BABAM1: variants seen among roughly 807,000 people sequenced by gnomAD.
BABAM1 encodes the protein BRISC and BRCA1 A complex member 1, also known as BRISC and BRCA1-A complex member 1.
In BABAM1, 14 loss-of-function variants were observed where a neutral mutation model predicts 34.4. The ratio of observed to expected loss-of-function variants is 0.41; its 90% CI spans 0.27 to 0.64. The LOEUF (loss-of-function observed/expected upper bound fraction) is 0.64, where lower values mean the gene tolerates loss of function less well. BABAM1 is among the 30% of genes least tolerant of loss of function. The probability of loss-of-function intolerance (pLI) is 0.34; values close to 1 mark genes in which losing one functional copy is unlikely to be tolerated. For synonymous variants in BABAM1, 169 were observed against 165.8 expected (o/e 1.02, Z -0.15); for missense variants, 393 against 434.0 (o/e 0.91, Z 0.84).
intron 3 of BABAM1, 110 bp downstream of exon 3, chr19:17,271,765 G>T (rs762692707): frequency 5.5e-6 from 7 of 1,265,264 alleles, no homozygotes; most frequent in African/African-American, 1.5e-5. Flanking sequence ...CTGGCTTCAG[G>T]CTTGGCAGTA....
In BABAM1 at chr19:17,268,877, G is replaced by A; in HGVS notation, c.71G>A (p.Arg24Gln). The A allele has an allele frequency of 2.5e-6, 4 of 1,600,694 alleles. No homozygotes were observed. The highest frequency in any genetic ancestry group is 3.4e-6 in the Non-Finnish European group (4 of 1,174,310). Residue 24 changes from arginine (R) to glutamine (Q), a missense_variant, in exon 2 of 9, where the codon CGG becomes CAG. Transcript: ENST00000598188. ...GAAGAGGAGCACTCGGCAGAGCCTC[G>A]GCCCCGCACTCGCTCCAATCCTGAA... ...EEEEEHSAEP[R>Q]PRTRSNPEGA...
At chr19:17,274,273 G>A in intron 5 of BABAM1, 88 bp downstream of exon 5, 2 of 1,497,018 alleles carry the variant, frequency 1.3e-6, no homozygotes, top group South Asian at 2.3e-5. Flanking sequence ...TCATGACTCT[G>A]GCTGGCTGAG....
chr19:17,268,633 T>C (rs1285197669), intron 1 of BABAM1, 161 bp from the exon 2 acceptor site: 1 of 679,330 alleles, frequency 1.5e-6, no homozygotes, highest in South Asian at 2.1e-5. Flanking sequence ...TTCTCCATGT[T>C]GGTCAGGCTG....
At chr19:17,276,117 C>G (rs932663813) in intron 6 of BABAM1, among the ~76,000 whole-genome samples, 1 of 152,076 alleles carries the variant, frequency 6.6e-6, no homozygotes, top group African/African-American at 2.4e-5. Flanking sequence ...GAGGCCGAGG[C>G]GGGCAGATCA....
intron 5 of BABAM1, among the ~76,000 whole-genome samples, chr19:17,275,534 C>T (rs1259912132): frequency 6.6e-6 from 1 of 152,184 alleles, no homozygotes; most frequent in Non-Finnish European, 1.5e-5. Flanking sequence ...AGATGGTCCA[C>T]CCGCCTTGGC....
chr19:17,278,606 G>T (rs1380068212), intron 8 of BABAM1, among the ~76,000 whole-genome samples: 1 of 151,692 alleles, frequency 6.6e-6, no homozygotes, highest in Admixed American at 6.6e-5. Context: ...ACCGCGCCCG[G>T]CCCACACTGG....
rs2145614354 is a variant in BABAM1 at position 17,271,640 on chromosome 19, T to C, written c.329T>C (p.Leu110Pro). 1 of 1,613,800 alleles carries C rather than the reference T, an allele frequency of 6.2e-7. No homozygotes were observed. The highest frequency in any genetic ancestry group is 1.3e-5 in the African/African-American group (1 of 75,038). ...DLSEEMSLPK[L>P]ESFNGSKTNA... ...TCAGAGGAAATGTCACTGCCAAAGC[T>C]GGAGTCGTTCAACGGGTAAGAGGGA... The change falls in exon 3 of 9, where the codon CTG becomes CCG. Residue 110 changes from leucine to proline, a missense_variant. By Grantham distance (98) the Leu-to-Pro change is moderately conservative. Coordinates refer to ENST00000598188, the MANE Select transcript of BABAM1 (RefSeq NM_014173.4).
At position 17,271,588 on chromosome 19, in the gene BABAM1, A is replaced by T; in HGVS notation, c.286-9A>T. On this transcript the variant is annotated splice_polypyrimidine_tract_variant and intron_variant, in intron 2 of 8. Transcript: ENST00000598188. Reference sequence around the variant, plus strand: ...AGAGGACGCTCACCACCCTCCAACTACCTTGCAGATTATCTGCCTGGACCT... The same window carrying T: ...AGAGGACGCTCACCACCCTCCAACTTCCTTGCAGATTATCTGCCTGGACCT... 6.2e-7 allele frequency: 1 copy of T among 1,613,508 alleles called. No individual in the cohort carries two copies. The highest frequency in any genetic ancestry group is 8.5e-7 in the Non-Finnish European group (1 of 1,179,706).
At position 17,268,793 on chromosome 19, in the gene BABAM1, G is replaced by A; in HGVS notation, c.-13-1G>A. ...GCTTCCCCTGTCCGTGTTCCATCTAGCCACACAGGAGCCATGGAAGTGGCA... is the reference window on the plus strand; with the variant it reads ...GCTTCCCCTGTCCGTGTTCCATCTAACCACACAGGAGCCATGGAAGTGGCA... On this transcript the variant is annotated splice_acceptor_variant, in intron 1 of 8. Transcript: ENST00000598188. LOFTEE classifies it low-confidence loss of function (5UTR_SPLICE). 6.3e-7 allele frequency: 1 copy of A among 1,588,676 alleles called. No homozygotes were observed. Among genetic ancestry groups the A allele is most frequent in the Non-Finnish European group, 8.6e-7 (1 of 1,166,048 alleles).
At chr19:17,269,223 G>A (rs2073808618) in intron 2 of BABAM1, 132 bp downstream of exon 2, 4 of 1,173,606 alleles carry the variant, frequency 3.4e-6, no homozygotes, top group African/African-American at 3.1e-5. Context: ...GGACTTGGTA[G>A]CTTTCAACAA....
chr19:17,269,335 T>A (rs1019523135), intron 2 of BABAM1, among the ~76,000 whole-genome samples: 2 of 150,556 alleles, frequency 1.3e-5, no homozygotes, highest in African/African-American at 4.9e-5. Context: ...TCTTGCCTCT[T>A]CATTTTGTCT....
At chr19:17,273,559 G>GTTTT (rs1252906493) in intron 3 of BABAM1, among the ~76,000 whole-genome samples, 8 of 24,580 alleles carry the variant, frequency 3.3e-4, no homozygotes, top group Admixed American at 6.4e-4. Context: ...TTTTTTGTTT[G>GTTTT]TTTTGTTTTT....
chr19:17,271,436 C>T (rs1276502244), intron 2 of BABAM1, among the ~76,000 whole-genome samples, 161 bp from the exon 3 acceptor site: 2 of 152,184 alleles, frequency 1.3e-5, no homozygotes, highest in Non-Finnish European at 2.9e-5. Context: ...GTTCAGTGCC[C>T]ATTCTTCTAA....
chr19:17,278,284 A>G (rs1240352824), intron 8 of BABAM1, among the ~76,000 whole-genome samples: 1 of 151,820 alleles, frequency 6.6e-6, no homozygotes, highest in Non-Finnish European at 1.5e-5. Context: ...ATGTGTCTGT[A>G]TCTGACTGTG....
intron 8 of BABAM1, chr19:17,277,209 T>C (rs1240750221): frequency 2.0e-4 from 52 of 264,078 alleles, no homozygotes; most frequent in South Asian, 4.3e-4. Flanking sequence ...CTTCTTTTTT[T>C]TTTTTTTTTT....
In BABAM1 at chr19:17,267,495, T is replaced by G. The variant is rs555670010; in HGVS notation, c.-46T>G. ...GCTTCCTAGTGAGTCGGCGGCTGAT[T>G]TAGAAGGAGGTTCAGGCTACGGTGA... On this transcript the variant is annotated 5_prime_UTR_variant, in exon 1 of 9. The change creates a new upstream start codon in the 5' untranslated region. Coordinates refer to ENST00000598188, the MANE Select transcript of BABAM1 (RefSeq NM_014173.4). 1 of 152,290 alleles carries G rather than the reference T, an allele frequency of 6.6e-6. No individual in the cohort carries two copies. Among genetic ancestry groups the G allele is most frequent in the Non-Finnish European group, 1.5e-5 (1 of 68,046 alleles). The allele number at this position is 152,290 out of a possible 1,614,324, so 9.4% of individuals were successfully genotyped here.
Position 17,269,058 on chromosome 19 carries a change from T to G in BABAM1, c.252T>G (p.Ile84Met). The stretch of plus-strand genomic sequence containing the variant: ...CCCCGCCAGCCCCTGAGGTCCAAAT[T>G]CGGACACCAAGGGTCAACTGTCCAG... ...QVPPPAPEVQIRTPRVNCPEK... is the reference protein window; with the variant it reads ...QVPPPAPEVQMRTPRVNCPEK... The change falls in exon 2 of 9, where the codon ATT becomes ATG. Residue 84 changes from isoleucine (I) to methionine (M), a missense_variant. Physicochemically the swap from Ile to Met is conservative, Grantham distance 10. Transcript: ENST00000598188. 1 of 1,606,852 alleles carries G rather than the reference T, an allele frequency of 6.2e-7. No individual in the cohort carries two copies. Among genetic ancestry groups the G allele is most frequent in the Non-Finnish European group, 8.5e-7 (1 of 1,177,142 alleles).
chr19:17,278,361 A>T (rs1409915868), intron 8 of BABAM1, among the ~76,000 whole-genome samples: 14 of 144,994 alleles, frequency 9.7e-5, no homozygotes, highest in African/African-American at 2.8e-4. Flanking sequence ...CAGGCTGGAG[A>T]GCAGTGGTGT....
At chr19:17,274,207 T>A in intron 5 of BABAM1, 22 bp downstream of exon 5, 1 of 1,609,906 alleles carries the variant, frequency 6.2e-7, no homozygotes, top group South Asian at 1.1e-5. Flanking sequence ...GGCAGAGATG[T>A]CCCCATGAAG....
Sources: gnomAD v4.1 joint callset for allele counts (sites outside exome capture counted in the v4.1 genomes callset) on GRCh38, gnomAD v4.1.1 for gene constraint, MANE v1.5 for transcripts, NCBI Gene and HGNC (gene_info 2026-07-23, HGNC 2026-07-21) for gene names.